Variants in SLC60A1 observed in about 807,000 individuals in gnomAD.
The protein encoded by SLC60A1 is solute carrier family 60 member 1, also known as major facilitator superfamily domain containing 4.
chr1:205,582,965 T>A, the SLC60A1 span, among the ~76,000 whole-genome samples: 3 of 152,162 alleles, frequency 2.0e-5, no homozygotes, highest in East Asian at 3.9e-4. Flanking sequence ...ATCTCTATCC[T>A]ATGCCTCTCC....
At chr1:205,582,186 AAGG>A in the SLC60A1 span, among the ~76,000 whole-genome samples, 22 of 152,334 alleles carry the variant, frequency 1.4e-4, no homozygotes, top group Non-Finnish European at 3.1e-4. Flanking sequence ...CTGCGAAGGA[AAGG>A]AGCAGTGTCA....
chr1:205,602,829 C>T, the SLC60A1 span: 7 of 152,100 alleles, frequency 4.6e-5, no homozygotes, highest in South Asian at 2.1e-4. Context: ...ATGGCTATAT[C>T]GAAGTTGATT....
At chr1:205,573,005 G>A in the SLC60A1 span, among the ~76,000 whole-genome samples, 1 of 152,198 alleles carries the variant, frequency 6.6e-6, no homozygotes, top group African/African-American at 2.4e-5. Flanking sequence ...TGGATGCCTT[G>A]TTGTTCCAGC....
At chr1:205,597,726 G>A in the SLC60A1 span, 1 of 1,594,702 alleles carries the variant, frequency 6.3e-7, no homozygotes, top group Non-Finnish European at 8.6e-7. Flanking sequence ...TTGTAATGCT[G>A]GCTTCTGTCT....
At chr1:205,581,182 C>T in the SLC60A1 span, among the ~76,000 whole-genome samples, 23 of 152,322 alleles carry the variant, frequency 1.5e-4, no homozygotes, top group African/African-American at 4.8e-4. This position sits in a 1 kb window ranked among gnomAD's most constrained non-coding sequence, Gnocchi z 4.2. Flanking sequence ...GGTCAACTTT[C>T]GAATTATCTG....
the SLC60A1 span, among the ~76,000 whole-genome samples, chr1:205,596,014 T>G: frequency 1.3e-5 from 2 of 151,942 alleles, no homozygotes; most frequent in African/African-American, 4.8e-5. Flanking sequence ...AAGGCCTTCC[T>G]GGGTAGGGTG....
At chr1:205,582,258 G>A in the SLC60A1 span, among the ~76,000 whole-genome samples, 4 of 152,228 alleles carry the variant, frequency 2.6e-5, no homozygotes, top group Non-Finnish European at 4.4e-5. Flanking sequence ...GCTTAAGCCC[G>A]AGGTTTGTTC....
At chr1:205,573,477 A>G in the SLC60A1 span, among the ~76,000 whole-genome samples, 4 of 152,146 alleles carry the variant, frequency 2.6e-5, no homozygotes, top group African/African-American at 9.7e-5. Context: ...TCAGCCATAA[A>G]AAGGAATGAG....
the SLC60A1 span, chr1:205,583,972 T>G: frequency 6.2e-7 from 1 of 1,613,660 alleles, no homozygotes; most frequent in Non-Finnish European, 8.5e-7. Flanking sequence ...TGCCCATGGC[T>G]GTGCTGATGC....
the SLC60A1 span, among the ~76,000 whole-genome samples, chr1:205,593,429 G>A: frequency 1.2e-4 from 3 of 25,706 alleles, no homozygotes; most frequent in African/African-American, 5.8e-4. Flanking sequence ...ACTCCAGCCT[G>A]GGCGACAGGG....
the SLC60A1 span, among the ~76,000 whole-genome samples, chr1:205,578,213 G>A: frequency 9.5e-3 from 1,447 of 152,366 alleles, 14 homozygotes; most frequent in Non-Finnish European, 0.014. Flanking sequence ...ACCCGTGTCA[G>A]TAGAGGGACC....
chr1:205,588,882 G>A, the SLC60A1 span, among the ~76,000 whole-genome samples: 1 of 150,342 alleles, frequency 6.7e-6, no homozygotes, highest in East Asian at 1.9e-4. Flanking sequence ...GAGGAGGGCA[G>A]TGTGCCCCAG....
the SLC60A1 span, among the ~76,000 whole-genome samples, chr1:205,578,518 C>G: frequency 6.6e-6 from 1 of 152,160 alleles, no homozygotes; most frequent in Non-Finnish European, 1.5e-5. Context: ...AGCAGATCAG[C>G]CTGGAAACAA....
At chr1:205,571,885 A>G in the SLC60A1 span, among the ~76,000 whole-genome samples, 2 of 152,214 alleles carry the variant, frequency 1.3e-5, no homozygotes, top group African/African-American at 4.8e-5. Flanking sequence ...CAAATCTGTG[A>G]GAGCCAGCTG....
chr1:205,573,432 A>G, the SLC60A1 span, among the ~76,000 whole-genome samples: 1 of 152,250 alleles, frequency 6.6e-6, no homozygotes, highest in East Asian at 1.9e-4. Flanking sequence ...AAAAAGAAAA[A>G]AAAAAAGTGG....
the SLC60A1 span, chr1:205,597,869 G>A: frequency 3.7e-6 from 6 of 1,612,992 alleles, no homozygotes; most frequent in Non-Finnish European, 5.1e-6. Flanking sequence ...GGACCTGTAA[G>A]GGAGAGGGGA....
the SLC60A1 span, among the ~76,000 whole-genome samples, chr1:205,595,326 G>A: frequency 2.3e-4 from 35 of 152,268 alleles, 1 homozygote; most frequent in South Asian, 7.1e-3. Context: ...TGAACCCTCT[G>A]CCTGGAACAT....
chr1:205,582,117 A>G, the SLC60A1 span, among the ~76,000 whole-genome samples: 1 of 151,968 alleles, frequency 6.6e-6, no homozygotes, highest in Non-Finnish European at 1.5e-5. Context: ...TTTTCAGCCC[A>G]TGCCCATCCA....
chr1:205,600,328 T>C, the SLC60A1 span: 1 of 1,447,150 alleles, frequency 6.9e-7, no homozygotes. Flanking sequence ...ACAGCCTGGG[T>C]AAGCTCTCAG....
Sources: gnomAD v4.1 joint callset for allele counts (sites outside exome capture counted in the v4.1 genomes callset) on GRCh38, gnomAD v4.1.1 for gene constraint, Gnocchi (gnomAD v3.1) non-coding constraint, MANE v1.5 for transcripts, NCBI Gene and HGNC (gene_info 2026-07-23, HGNC 2026-07-21) for gene names.